DSCAM: variants seen among roughly 807,000 people sequenced by gnomAD.
DSCAM encodes the protein DS cell adhesion molecule.
DSCAM carries 47 observed loss-of-function variants against 217.7 expected under a neutral mutation model. The observed-to-expected ratio is 0.22, with a 90% CI of 0.17 to 0.28. The LOEUF (loss-of-function observed/expected upper bound fraction) is 0.28, where lower values mean the gene tolerates loss of function less well. DSCAM is among the 10% of genes least tolerant of loss of function. DSCAM has a pLI of 1.00. For missense variants in DSCAM, 2,080 were observed against 2,618.3 expected (o/e 0.79, Z 4.49); for synonymous variants, 1,056 against 1,015.3 (o/e 1.04, Z -0.76).
rs147461192 is a variant in DSCAM, at chr21:40,694,169, T to A, written c.362-1213A>T. ...ACTGATGAATATAGTCCCAATTAGA[T>A]GTGCCAGCCTTACTTCTTTAGAGCT... On this transcript the variant is annotated intron_variant, in intron 2 of 32. Coordinates refer to ENST00000400454, the MANE Select transcript of DSCAM (RefSeq NM_001389.5). Among the ~76,000 whole-genome samples, 512 of 152,312 alleles carry A rather than the reference T, an allele frequency of 3.4e-3. 2 individuals carry two copies. The highest frequency in any genetic ancestry group is 0.012 in the African/African-American group (488 of 41,558).
intron 3 of DSCAM, among the ~76,000 whole-genome samples, chr21:40,540,847 T>C (rs1196154888): frequency 6.6e-6 from 1 of 152,170 alleles, no homozygotes; most frequent in Non-Finnish European, 1.5e-5. Context: ...GAGAAAATAT[T>C]TTATTAAAAG....
intron 3 of DSCAM, among the ~76,000 whole-genome samples, chr21:40,436,937 G>A (rs1453541769): frequency 6.6e-6 from 1 of 152,188 alleles, no homozygotes; most frequent in Admixed American, 6.5e-5. Flanking sequence ...TTTCTGGGAA[G>A]GGCATATACT....
At chr21:40,056,447 T>G (rs184427214) in intron 28 of DSCAM, among the ~76,000 whole-genome samples, 4 of 152,040 alleles carry the variant, frequency 2.6e-5, no homozygotes, top group African/African-American at 9.7e-5. Context: ...AATTTGTGTA[T>G]CAGAAGATTA....
chr21:40,755,492 G>C (rs2091266817), intron 1 of DSCAM, among the ~76,000 whole-genome samples: 2 of 151,958 alleles, frequency 1.3e-5, no homozygotes, highest in African/African-American at 4.8e-5. Context: ...TTAAAAAGAT[G>C]TTGCCTGGAT....
At chr21:40,810,833 A>G (rs2091831470) in intron 1 of DSCAM, among the ~76,000 whole-genome samples, 1 of 152,176 alleles carries the variant, frequency 6.6e-6, no homozygotes, top group Admixed American at 6.5e-5. Flanking sequence ...TGAGCCTTGG[A>G]GTTCAAGGCT....
At chr21:40,540,900 AT>A (rs879593036) in intron 3 of DSCAM, among the ~76,000 whole-genome samples, 60 of 149,420 alleles carry the variant, frequency 4.0e-4, no homozygotes, top group African/African-American at 8.3e-4. Context: ...TGTTTGGGGT[AT>A]TTTTTTTTTA....
At chr21:40,150,301 C>T (rs80097378) in intron 16 of DSCAM, among the ~76,000 whole-genome samples, 8,832 of 152,208 alleles carry the variant, frequency 0.058, 299 homozygotes, top group East Asian at 0.14. Flanking sequence ...GTATACATGG[C>T]ATTTCTAATC....
chr21:40,250,126 TG>T (rs1448196612), intron 11 of DSCAM, among the ~76,000 whole-genome samples: 1 of 152,194 alleles, frequency 6.6e-6, no homozygotes. Flanking sequence ...TATCCTTGCC[TG>T]GGTTTGGCAA....
At chr21:40,309,846 T>C (rs2074118686) in intron 9 of DSCAM, among the ~76,000 whole-genome samples, 1 of 152,212 alleles carries the variant, frequency 6.6e-6, no homozygotes, top group Non-Finnish European at 1.5e-5. Flanking sequence ...TGTTAACTAC[T>C]CTTCTTGCTT....
intron 3 of DSCAM, among the ~76,000 whole-genome samples, chr21:40,511,443 T>C (rs2076256513): frequency 1.3e-5 from 2 of 152,224 alleles, no homozygotes; most frequent in South Asian, 4.1e-4. Context: ...ATTTAGCATA[T>C]GTTACTTAAT....
At chr21:40,760,616 A>G (rs1232184966) in intron 1 of DSCAM, among the ~76,000 whole-genome samples, 1 of 152,244 alleles carries the variant, frequency 6.6e-6, no homozygotes, top group Non-Finnish European at 1.5e-5. Context: ...CAAGCAGGCA[A>G]GAGTCAAGGA....
In DSCAM at chr21:40,155,719, C is replaced by T. The variant is rs960958997; in HGVS notation, c.3019-10988G>A. On this transcript the variant is annotated intron_variant, in intron 16 of 32. Coordinates refer to ENST00000400454, the MANE Select transcript of DSCAM (RefSeq NM_001389.5). ...GGGAGGGCCAATCATGATCCAACAC[C>T]GCTGGTAAAGAGGTCAGTCGGGCAG... 9.9e-5 allele frequency among the ~76,000 whole-genome samples: 15 copies of T among 152,064 alleles called. No homozygotes were observed. In the East Asian group the frequency reaches 1.6e-3, roughly 16 times the overall value.
At chr21:40,022,572 G>A (rs1601235835) in intron 32 of DSCAM, among the ~76,000 whole-genome samples, 2 of 152,302 alleles carry the variant, frequency 1.3e-5, no homozygotes, top group Middle Eastern at 3.4e-3. Flanking sequence ...CAATGGAACT[G>A]TAATCAGAAG....
At chr21:40,371,571 G>T (rs1387339982) in intron 3 of DSCAM, among the ~76,000 whole-genome samples, 1 of 152,224 alleles carries the variant, frequency 6.6e-6, no homozygotes, top group Non-Finnish European at 1.5e-5. Flanking sequence ...AATGCACACA[G>T]ATAGCAGCAG....
intron 3 of DSCAM, among the ~76,000 whole-genome samples, chr21:40,613,299 A>G (rs1351193134): frequency 6.6e-6 from 1 of 152,302 alleles, no homozygotes; most frequent in East Asian, 1.9e-4. Context: ...CTGACATTCC[A>G]TTGGGTACAT....
intron 3 of DSCAM, among the ~76,000 whole-genome samples, chr21:40,605,903 C>T (rs989165572): frequency 7.1e-6 from 1 of 141,454 alleles, no homozygotes; most frequent in Non-Finnish European, 1.5e-5. Flanking sequence ...CAGGTTCAAG[C>T]TATTCTTCTG....
At chr21:40,786,127 T>C (rs1173603492) in intron 1 of DSCAM, among the ~76,000 whole-genome samples, 1 of 151,970 alleles carries the variant, frequency 6.6e-6, no homozygotes, top group Non-Finnish European at 1.5e-5. Context: ...TCCCAGCTAC[T>C]TGGGAGGCTG....
At chr21:40,551,830 CAG>C (rs1601737560) in intron 3 of DSCAM, among the ~76,000 whole-genome samples, 1 of 152,138 alleles carries the variant, frequency 6.6e-6, no homozygotes, top group African/African-American at 2.4e-5. Context: ...CTCCAAAAGG[CAG>C]AGTGTATAAT....
chr21:40,572,085 GGTGTGT>G (rs10553285), intron 3 of DSCAM, among the ~76,000 whole-genome samples: 25,831 of 148,320 alleles, frequency 0.17, 2,992 homozygotes, highest in African/African-American at 0.34. Flanking sequence ...TGTGTGTGTG[GGTGTGT>G]GTGTGTGTGT....
Sources: gnomAD v4.1 joint callset for allele counts (sites outside exome capture counted in the v4.1 genomes callset) on GRCh38, gnomAD v4.1.1 for gene constraint, MANE v1.5 for transcripts, NCBI Gene and HGNC (gene_info 2026-07-23, HGNC 2026-07-21) for gene names.